Variants in LMO7 observed in about 807,000 individuals in gnomAD.
The protein encoded by LMO7 is LIM domain 7.
In LMO7, 120 loss-of-function variants were observed where a neutral mutation model predicts 206.5. The ratio of observed to expected loss-of-function variants is 0.58; its 90% confidence interval spans 0.50 to 0.68. LMO7 has a LOEUF of 0.68. LMO7 is among the 30% of genes least tolerant of loss of function. The pLI, the probability that LMO7 is intolerant of heterozygous loss-of-function variation, is 0.00. For missense variants in LMO7, 1,959 were observed against 1,957.9 expected (o/e 1.00, Z -0.01); for synonymous variants, 706 against 681.5 (o/e 1.04, Z -0.56).
At chr13:75,724,863 A>AT (rs1211956944) in intron 2 of LMO7, among the ~76,000 whole-genome samples, 2 of 152,068 alleles carry the variant, frequency 1.3e-5, no homozygotes, top group South Asian at 2.1e-4. Flanking sequence ...TAGTGACTCA[A>AT]TTTTTTAGAG....
rs766825767 is a variant in LMO7 at position 75,819,528 on chromosome 13, C to A, written c.2200C>A (p.Gln734Lys). 3.1e-6 allele frequency: 5 copies of A among 1,594,910 alleles called. No homozygotes were observed. In the South Asian group the frequency reaches 5.7e-5, roughly 18 times the overall value. ...RSSKTFKEML[Q>K]DRESQNQKST... ...CTCTAAGACGTTTAAGGAAATGCTG[C>A]AGGACAGGTAATAATGCTGAATGCA... The change falls in exon 13 of 31, where the codon CAG becomes AAG. Residue 734 changes from glutamine (Q) to lysine (K), a missense_variant. Coordinates refer to ENST00000377534, the MANE Select transcript of LMO7 (RefSeq NM_001306080.2).
At position 75,781,901 on chromosome 13, in the gene LMO7, G is replaced by T. The variant is rs2051513662; in HGVS notation, c.318-13500G>T. 2.0e-5 allele frequency among the ~76,000 whole-genome samples: 3 copies of T among 152,230 alleles called. No individual in the cohort carries two copies. In the South Asian group the frequency reaches 6.2e-4, roughly 32 times the overall value. ...AGTGATGATGAGCATTTTTTCATGT[G>T]TTTTTTGGCTGCATAAATATCTTCT... On this transcript the variant is annotated intron_variant, in intron 4 of 30. Transcript: ENST00000377534.
chr13:75,699,940 G>C (rs1244903811), intron 1 of LMO7, among the ~76,000 whole-genome samples: 1 of 152,186 alleles, frequency 6.6e-6, no homozygotes, highest in Non-Finnish European at 1.5e-5. Context: ...CTCCCAGAGC[G>C]GCCATTTTAG....
At position 75,821,514 on chromosome 13, in the gene LMO7, C is replaced by T. The variant is rs377059336; in HGVS notation, c.2545C>T (p.Arg849Trp). The T allele has an allele frequency of 2.5e-5, 40 of 1,614,044 alleles. No individual in the cohort carries two copies. Among genetic ancestry groups the T allele is most frequent in the East Asian group, 1.1e-4 (5 of 44,880 alleles). The stretch of plus-strand genomic sequence containing the variant: ...TTCAGCTTCTCTCCCCAGAAGTTAC[C>T]GGAAAACTGATACAGTCAGGTTAAC... ...RVSASLPRSY[R>W]KTDTVRLTSV... Residue 849 changes from arginine (R) to tryptophan (W), a missense_variant, in exon 14 of 31, where the codon CGG (arginine) becomes TGG (tryptophan). By Grantham distance (101) the Arg-to-Trp change is moderately radical (BLOSUM62 -3). Coordinates refer to ENST00000377534, the MANE Select transcript of LMO7 (RefSeq NM_001306080.2).
intron 4 of LMO7, among the ~76,000 whole-genome samples, chr13:75,791,327 T>G (rs963624665): frequency 3.9e-5 from 6 of 152,182 alleles, no homozygotes; most frequent in Non-Finnish European, 8.8e-5. Context: ...AGAAGTATAA[T>G]TATGAGTATC....
Position 75,858,306 on chromosome 13 carries a change from G to T in LMO7, c.*363G>T, listed in dbSNP as rs1434995343. 5.0e-6 allele frequency: 1 copy of T among 198,696 alleles called. No individual in the cohort carries two copies. The highest frequency in any genetic ancestry group is 1.0e-5 in the Non-Finnish European group (1 of 98,862). 12.3% of individuals were successfully genotyped at this position (198,696 alleles called of 1,614,324 possible). The stretch of plus-strand genomic sequence containing the variant: ...GTATTTTATTGTTTTTTAAAAAAAG[G>T]TTCTTAAACATTATTTGAAATAGTT... On this transcript the variant is annotated 3_prime_UTR_variant, in exon 31 of 31. Transcript: ENST00000377534.
At chr13:75,709,050 T>C (rs1165601642) in intron 1 of LMO7, among the ~76,000 whole-genome samples, 1 of 152,122 alleles carries the variant, frequency 6.6e-6, no homozygotes, top group East Asian at 1.9e-4. Context: ...ATGCGGTGTT[T>C]GGTTTTTTGT....
chr13:75,623,347 C>T (rs370663929), intron 2 of LMO7: 5 of 1,244,670 alleles, frequency 4.0e-6, no homozygotes, highest in Non-Finnish European at 5.9e-6. Context: ...TTTTCTAAGG[C>T]AGAATCAGAA....
chr13:75,731,669 A>G (rs1402531933), intron 3 of LMO7, among the ~76,000 whole-genome samples: 4 of 151,302 alleles, frequency 2.6e-5, no homozygotes, highest in African/African-American at 9.7e-5. Context: ...TGAACCTGTC[A>G]TTATGATGTT....
chr13:75,774,005 C>G (rs988533287), intron 4 of LMO7, among the ~76,000 whole-genome samples: 10 of 152,068 alleles, frequency 6.6e-5, no homozygotes, highest in African/African-American at 2.4e-4. Context: ...CAAAACCAAG[C>G]CATACTTTTT....
chr13:75,805,082 T>C, intron 8 of LMO7: 2 of 1,014,492 alleles, frequency 2.0e-6, no homozygotes, highest in South Asian at 4.4e-5. Flanking sequence ...AAATCACCTA[T>C]CCTAATTCTT....
chr13:75,810,687 A>C (rs1208182932), intron 11 of LMO7, among the ~76,000 whole-genome samples: 5 of 152,370 alleles, frequency 3.3e-5, no homozygotes, highest in African/African-American at 1.2e-4. Context: ...ATAACTTTAT[A>C]ATGTAAGCAG....
At chr13:75,805,395 C>T in intron 8 of LMO7, 84 bp from the exon 9 acceptor site, 1 of 1,431,694 alleles carries the variant, frequency 7.0e-7, no homozygotes, top group Non-Finnish European at 9.6e-7. Context: ...GTGGTGTAAA[C>T]TTTGTGAACC....
At chr13:75,731,418 T>G (rs1258099312) in intron 3 of LMO7, among the ~76,000 whole-genome samples, 8 of 152,252 alleles carry the variant, frequency 5.3e-5, no homozygotes, top group Admixed American at 2.6e-4. Flanking sequence ...TGTGTTGGTT[T>G]AAAGTCTGTT....
chr13:75,783,969 G>T (rs1234005357), intron 4 of LMO7, among the ~76,000 whole-genome samples: 2 of 152,122 alleles, frequency 1.3e-5, no homozygotes, highest in African/African-American at 4.8e-5. Flanking sequence ...CTGATTAGTG[G>T]AGTTAGCTAA....
intron 2 of LMO7, among the ~76,000 whole-genome samples, chr13:75,718,711 T>C (rs75780194): frequency 0.016 from 2,426 of 152,288 alleles, 34 homozygotes; most frequent in Non-Finnish European, 0.025. Flanking sequence ...TGGTTTTGGA[T>C]AAATGTGTAA....
intron 11 of LMO7, among the ~76,000 whole-genome samples, chr13:75,813,223 A>T (rs2056617547): frequency 6.6e-6 from 1 of 152,228 alleles, no homozygotes; most frequent in African/African-American, 2.4e-5. Flanking sequence ...CTACTACAAA[A>T]GTTCTGGATT....
At chr13:75,729,499 G>C (rs1163573107) in intron 3 of LMO7, among the ~76,000 whole-genome samples, 2 of 151,838 alleles carry the variant, frequency 1.3e-5, no homozygotes, top group Non-Finnish European at 2.9e-5. Context: ...CTTTGCTGAA[G>C]TTGCTTATCA....
chr13:75,779,336 G>A (rs920480997), intron 4 of LMO7, among the ~76,000 whole-genome samples: 1 of 148,984 alleles, frequency 6.7e-6, no homozygotes, highest in Non-Finnish European at 1.5e-5. Context: ...AACAGGAGAT[G>A]GGGATGGGGG....
Sources: gnomAD v4.1 joint callset for allele counts (sites outside exome capture counted in the v4.1 genomes callset) on GRCh38, gnomAD v4.1.1 for gene constraint, MANE v1.5 for transcripts, NCBI Gene and HGNC (gene_info 2026-07-23, HGNC 2026-07-21) for gene names.